Variants in ZNF473 observed in about 807,000 individuals in gnomAD.
ZNF473 encodes zinc finger protein 100 homolog.
A neutral mutation model predicts 11.1 loss-of-function variants in ZNF473; 4 were observed. That is an observed-to-expected ratio of 0.36 (90% CI 0.18 to 0.82). ZNF473 has a LOEUF of 0.82. ZNF473 is among the 40% of genes least tolerant of loss of function. The pLI is 0.49. For missense variants in ZNF473, 854 were observed against 1,084.0 expected, an observed-to-expected ratio of 0.79 and a Z score of 2.98; for synonymous variants, 404 against 390.4, an observed-to-expected ratio of 1.03 and a Z score of -0.41.
In ZNF473 at chr19:50,044,761, C is replaced by G; in HGVS notation, c.318C>G (p.Gly106=). Residue 106 remains glycine (G), a synonymous_variant, in exon 5 of 5, where the codon GGC becomes GGG. Transcript: ENST00000270617. ...QEIIEMLSKD[G]FWNSNFGEAC... ...TTATAGAGATGTTATCCAAGGATGG[C>G]TTCTGGAACTCCAATTTCGGAGAAG... 6.2e-7 allele frequency: 1 copy of G among 1,614,198 alleles called. No homozygotes were observed.
In ZNF473 at chr19:50,043,360, A is replaced by C. The variant is rs1188655459; in HGVS notation, c.227-1310A>C. On this transcript the variant is annotated intron_variant, in intron 4 of 4. Coordinates refer to ENST00000270617, the MANE Select transcript of ZNF473 (RefSeq NM_015428.4). Reference sequence around the variant, plus strand: ...TGAGGCAGGAGAATCACTTGAACCCAGGAGGCAGAGGTTGCGTTGAGCTGA... The same window carrying C: ...TGAGGCAGGAGAATCACTTGAACCCCGGAGGCAGAGGTTGCGTTGAGCTGA... 2.0e-5 allele frequency: 3 copies of C among 148,408 alleles called. No individual in the cohort carries two copies. In the Admixed American group the frequency reaches 2.1e-4, roughly 10 times the overall value. 9.2% of individuals were successfully genotyped at this position (148,408 alleles called of 1,614,324 possible).
chr19:50,046,432 ACAT>A lies in ZNF473; in HGVS notation c.1992_1994del (p.His664del). ...TCAGCCACAGTGCACACCTCTCAAAACATCAGTTAATTCACGCTGGAGAGAATC... is the reference window on the plus strand; with the variant it reads ...TCAGCCACAGTGCACACCTCTCAAAACAGTTAATTCACGCTGGAGAGAATC... On this transcript the variant is annotated inframe_deletion, in exon 5 of 5. Transcript: ENST00000270617. This position sits in a 1 kb window ranked among gnomAD's most constrained non-coding sequence, Gnocchi z 5.9. The A allele has an allele frequency of 6.2e-7, 1 of 1,614,222 alleles. No individual in the cohort carries two copies. The highest frequency in any genetic ancestry group is 2.2e-5 in the East Asian group (1 of 44,888).
intron 1 of ZNF473, among the ~76,000 whole-genome samples, chr19:50,028,441 A>G (rs746695115): frequency 1.3e-5 from 2 of 151,946 alleles, no homozygotes; most frequent in Non-Finnish European, 2.9e-5. Flanking sequence ...TCAGCCTCCC[A>G]AGCGATCCTC....
At chr19:50,044,494 C>T in intron 4 of ZNF473, 176 bp from the exon 5 acceptor site, 1 of 577,904 alleles carries the variant, frequency 1.7e-6, no homozygotes, top group Non-Finnish European at 3.1e-6. Flanking sequence ...TTCCCAACTC[C>T]CTTCTTGACC....
At chr19:50,031,808 C>T (rs2077319568) in intron 2 of ZNF473, among the ~76,000 whole-genome samples, 1 of 152,168 alleles carries the variant, frequency 6.6e-6, no homozygotes, top group Admixed American at 6.5e-5. Flanking sequence ...ATGAATGAAT[C>T]AATGAATGAT....
chr19:50,032,238 A>G (rs2077322217), intron 2 of ZNF473, among the ~76,000 whole-genome samples: 1 of 150,706 alleles, frequency 6.6e-6, no homozygotes, highest in African/African-American at 2.4e-5. Context: ...GAAGCCCCTC[A>G]AAGGTCCTCT....
intron 4 of ZNF473, among the ~76,000 whole-genome samples, chr19:50,044,028 A>G (rs1193185678): frequency 1.3e-5 from 2 of 152,150 alleles, no homozygotes; most frequent in South Asian, 4.1e-4. Context: ...GCAGGAAGCC[A>G]TGGAAGGGTT....
At chr19:50,037,585 CA>C (rs755006439) in intron 2 of ZNF473, among the ~76,000 whole-genome samples, 156 of 151,672 alleles carry the variant, frequency 1.0e-3, no homozygotes, top group South Asian at 1.9e-3. Flanking sequence ...CTTCAGGAGG[CA>C]GGGGCAGGAG....
At chr19:50,036,525 T>C (rs57997248) in intron 2 of ZNF473, among the ~76,000 whole-genome samples, 7,268 of 149,016 alleles carry the variant, frequency 0.049, 604 homozygotes, top group African/African-American at 0.17. Context: ...GGGGTTTCAC[T>C]GTGTTAGCCA....
intron 4 of ZNF473, chr19:50,042,514 C>A (rs943877699): frequency 6.6e-6 from 1 of 152,312 alleles, no homozygotes; most frequent in African/African-American, 2.4e-5. Flanking sequence ...GCCTCCTCTT[C>A]AGCACATCAG....
In ZNF473 at chr19:50,045,674, TC is replaced by T; in HGVS notation, c.1233del (p.Phe412SerfsTer7). The T allele has an allele frequency of 6.2e-7, 1 of 1,613,938 alleles. No homozygotes were observed. Among genetic ancestry groups the T allele is most frequent in the Non-Finnish European group, 8.5e-7 (1 of 1,179,982 alleles). On this transcript the variant is annotated frameshift_variant, in exon 5 of 5. Transcript: ENST00000270617. LOFTEE classifies it low-confidence loss of function (END_TRUNC). The stretch of plus-strand genomic sequence containing the variant: ...TTATAAGTGTAACGAACGTGGGAAA[TC>T]CTTCAGGCATAACTCTACCCTAAAG... ...EPYKCNERGKSFRHNSTLKIH... is the reference protein window; with the variant it reads ...EPYKCNERGKXFRHNSTLKIH...
At chr19:50,029,912 C>G (rs750360405) in intron 1 of ZNF473, among the ~76,000 whole-genome samples, 1 of 151,838 alleles carries the variant, frequency 6.6e-6, no homozygotes, top group African/African-American at 2.4e-5. Context: ...AGTGCGGTGG[C>G]ACCATCTCGG....
In ZNF473 at chr19:50,046,004, G is replaced by A. The variant is rs757833690; in HGVS notation, c.1561G>A (p.Gly521Arg). 1.5e-5 allele frequency: 24 copies of A among 1,614,056 alleles called. No individual in the cohort carries two copies. The highest frequency in any genetic ancestry group is 3.3e-5 in the Admixed American group (2 of 59,998). The change falls in exon 5 of 5, where the codon GGA becomes AGA. Residue 521 changes from glycine (G) to arginine (R), a missense_variant. Transcript: ENST00000270617. The surrounding 1 kb of genome is among the most constrained non-coding windows in gnomAD (Gnocchi z 5.9). Reference protein sequence around the residue: ...VKTPYECQECGERFICGSTLK... With the variant: ...VKTPYECQECRERFICGSTLK... ...AACCCCATATGAATGTCAGGAGTGC[G>A]GAGAACGCTTCATTTGCGGCTCAAC...
chr19:50,031,209 G>A, intron 2 of ZNF473, 118 bp downstream of exon 2: 1 of 1,384,720 alleles, frequency 7.2e-7, no homozygotes, highest in Non-Finnish European at 1.0e-6. Context: ...CCCCATGGCA[G>A]GAAAGCTGGC....
chr19:50,035,061 G>A (rs894767167), intron 2 of ZNF473, among the ~76,000 whole-genome samples: 1 of 152,188 alleles, frequency 6.6e-6, no homozygotes, highest in African/African-American at 2.4e-5. Flanking sequence ...GAAGGCTGAG[G>A]TGGGCAAATT....
At chr19:50,026,367 C>T (rs2077275478) in intron 1 of ZNF473, among the ~76,000 whole-genome samples, 1 of 151,876 alleles carries the variant, frequency 6.6e-6, no homozygotes, top group African/African-American at 2.4e-5. Context: ...GCCAGGAGTT[C>T]CTCGAACCCC....
chr19:50,042,557 C>G (rs1186544606), intron 4 of ZNF473: 3 of 152,278 alleles, frequency 2.0e-5, no homozygotes, highest in Non-Finnish European at 4.4e-5. Context: ...CATGCACAGG[C>G]TCTCACAACT....
At chr19:50,035,479 G>GTGTGTC (rs1454504747) in intron 2 of ZNF473, among the ~76,000 whole-genome samples, 1 of 151,716 alleles carries the variant, frequency 6.6e-6, no homozygotes, top group Non-Finnish European at 1.5e-5. Context: ...GTGTGTGTGT[G>GTGTGTC]TGTGTGTGTG....
intron 2 of ZNF473, among the ~76,000 whole-genome samples, chr19:50,033,355 G>T (rs1029405513): frequency 6.6e-6 from 1 of 152,128 alleles, no homozygotes; most frequent in Non-Finnish European, 1.5e-5. Flanking sequence ...GAGCAGGAAA[G>T]GGGGAGAAGG....
Sources: gnomAD v4.1 joint callset for allele counts (sites outside exome capture counted in the v4.1 genomes callset) on GRCh38, gnomAD v4.1.1 for gene constraint, Gnocchi (gnomAD v3.1) non-coding constraint, MANE v1.5 for transcripts, NCBI Gene and HGNC (gene_info 2026-07-23, HGNC 2026-07-21) for gene names.